The following CMIP variants were observed in gnomAD, a reference collection of about 807,000 sequenced individuals.
CMIP encodes c-Maf inducing protein.
CMIP carries 13 observed loss-of-function variants against 97.3 expected under a neutral mutation model. The ratio of observed to expected loss-of-function variants is 0.13; its 90% CI spans 0.09 to 0.21. The LOEUF (loss-of-function observed/expected upper bound fraction) is 0.21, where lower values mean the gene tolerates loss of function less well. Among genes scored for constraint, CMIP ranks in the 10% least tolerant of loss-of-function variants. The pLI, the probability that CMIP is intolerant of heterozygous loss-of-function variation, is 1.00. For synonymous variants in CMIP, 538 were observed against 436.3 expected, an observed-to-expected ratio of 1.23 and a Z score of -2.91; for missense variants, 847 against 1,024.9, an observed-to-expected ratio of 0.83 and a Z score of 2.37.
intron 6 of CMIP, among the ~76,000 whole-genome samples, chr16:81,662,303 A>G (rs1281631023): frequency 6.6e-6 from 1 of 152,234 alleles, no homozygotes; most frequent in South Asian, 2.1e-4. Flanking sequence ...AGAACAAGAT[A>G]CACTTGCCTC....
Position 81,672,088 on chromosome 16 carries a change from C to G in CMIP, c.1034+18C>G, listed in dbSNP as rs577703364. The G allele has an allele frequency of 2.7e-6, 4 of 1,477,258 alleles. No individual in the cohort carries two copies. The highest frequency in any genetic ancestry group is 1.2e-5 in the South Asian group (1 of 83,432). The allele number at this position is 1,477,258 out of a possible 1,614,324, so 91.5% of individuals were successfully genotyped here. A position where few individuals can be genotyped will look rare whatever the true frequency, so the allele number is the denominator to read the frequency against. ...ATCAACAGGTCAGTTGCTGAACCAC[C>G]GCCACCCAGAGGGCTTGGGAGGGGC... On this transcript the variant is annotated intron_variant, in intron 9 of 20. Coordinates refer to ENST00000537098, the MANE Select transcript of CMIP (RefSeq NM_198390.3).
At chr16:81,585,458 C>T (rs1354569188) in intron 1 of CMIP, among the ~76,000 whole-genome samples, 4 of 152,214 alleles carry the variant, frequency 2.6e-5, no homozygotes, top group Admixed American at 2.6e-4. Context: ...GAAACCCGTG[C>T]CCATCAGCAG....
intron 1 of CMIP, among the ~76,000 whole-genome samples, chr16:81,562,914 G>C (rs889777555): frequency 2.6e-5 from 4 of 152,190 alleles, no homozygotes; most frequent in Non-Finnish European, 5.9e-5. Context: ...CCTTGCCCTT[G>C]TCTGCTGGGA....
chr16:81,613,835 T>C (rs2091870319), intron 2 of CMIP, among the ~76,000 whole-genome samples: 1 of 152,216 alleles, frequency 6.6e-6, no homozygotes, highest in South Asian at 2.1e-4. Context: ...TCCATCTGTC[T>C]TATCTGTTTT....
intron 1 of CMIP, among the ~76,000 whole-genome samples, chr16:81,591,247 C>T (rs367919120): frequency 6.6e-6 from 1 of 151,940 alleles, no homozygotes; most frequent in Non-Finnish European, 1.5e-5. Context: ...GGGGAGATGT[C>T]TTTGAGCAGT....
intron 1 of CMIP, among the ~76,000 whole-genome samples, chr16:81,452,583 G>A (rs532019373): frequency 6.6e-6 from 1 of 152,204 alleles, no homozygotes; most frequent in Non-Finnish European, 1.5e-5. Flanking sequence ...AGTGGTCAGG[G>A]AAGCGGGTGA....
At chr16:81,597,469 C>T (rs2091577009) in intron 1 of CMIP, among the ~76,000 whole-genome samples, 2 of 152,086 alleles carry the variant, frequency 1.3e-5, no homozygotes, top group Non-Finnish European at 2.9e-5. Context: ...TGTGCACCTG[C>T]TCAGAGTGTT....
intron 6 of CMIP, among the ~76,000 whole-genome samples, chr16:81,662,475 G>A (rs1281413218): frequency 6.6e-6 from 1 of 152,184 alleles, no homozygotes; most frequent in Admixed American, 6.5e-5. Context: ...TCTGCCTTTT[G>A]GAGGGAGGGG....
intron 1 of CMIP, among the ~76,000 whole-genome samples, chr16:81,526,002 GTGTGTC>G (rs1226641639): frequency 2.1e-3 from 12 of 5,694 alleles, no homozygotes; most frequent in South Asian, 0.018. Flanking sequence ...GTGTGTGTGT[GTGTGTC>G]TGTGTGTGTG....
At chr16:81,531,882 A>C (rs1192994771) in intron 1 of CMIP, among the ~76,000 whole-genome samples, 4 of 152,174 alleles carry the variant, frequency 2.6e-5, no homozygotes, top group Non-Finnish European at 4.4e-5. Context: ...TCTCACCTCC[A>C]TTGCTATTTG....
chr16:81,683,572 T>G (rs1419655076), intron 10 of CMIP, among the ~76,000 whole-genome samples: 2 of 151,792 alleles, frequency 1.3e-5, no homozygotes, highest in Admixed American at 1.3e-4. Flanking sequence ...GTATTTTTAG[T>G]AGAGACGGGT....
At chr16:81,480,650 A>G (rs1268471414) in intron 1 of CMIP, among the ~76,000 whole-genome samples, 22 of 152,166 alleles carry the variant, frequency 1.4e-4, no homozygotes, top group Non-Finnish European at 5.9e-5. Flanking sequence ...GTTGCTACTT[A>G]TGTGTTTGCT....
chr16:81,554,252 A>T (rs184487330), intron 1 of CMIP, among the ~76,000 whole-genome samples: 1 of 152,384 alleles, frequency 6.6e-6, no homozygotes, highest in African/African-American at 2.4e-5. Flanking sequence ...CAGATGTGCA[A>T]TTAGCATTCA....
chr16:81,624,599 C>A (rs554069686), intron 3 of CMIP, among the ~76,000 whole-genome samples: 2 of 152,196 alleles, frequency 1.3e-5, no homozygotes, highest in Non-Finnish European at 2.9e-5. Flanking sequence ...AGCATCACCC[C>A]TAATGGGACC....
intron 1 of CMIP, among the ~76,000 whole-genome samples, chr16:81,527,577 C>T (rs956861044): frequency 3.3e-5 from 5 of 152,240 alleles, no homozygotes; most frequent in Non-Finnish European, 1.5e-5. Flanking sequence ...ATGGAAGCAT[C>T]CTCAGACTTT....
chr16:81,455,768 C>T (rs16955379), intron 1 of CMIP, among the ~76,000 whole-genome samples: 5,718 of 152,198 alleles, frequency 0.038, 311 homozygotes, highest in East Asian at 0.26. Flanking sequence ...CCACTAGAGA[C>T]CCCTGCTACT....
chr16:81,448,937 G>A (rs1272896171), intron 1 of CMIP, among the ~76,000 whole-genome samples: 1 of 152,242 alleles, frequency 6.6e-6, no homozygotes, highest in Non-Finnish European at 1.5e-5. Context: ...GCTGGTGATG[G>A]TCGTGTTGGT....
chr16:81,667,192 C>T (rs2092613408), intron 7 of CMIP: 1 of 152,220 alleles, frequency 6.6e-6, no homozygotes, highest in South Asian at 2.1e-4. Context: ...ATGTTATGTG[C>T]TCCCTTTCAC....
chr16:81,456,761 G>A (rs796223653), intron 1 of CMIP, among the ~76,000 whole-genome samples: 17 of 152,320 alleles, frequency 1.1e-4, no homozygotes, highest in African/African-American at 4.1e-4. Context: ...CTGCAAAGCA[G>A]AATGTCAGAA....
Sources: gnomAD v4.1 joint callset for allele counts (sites outside exome capture counted in the v4.1 genomes callset) on GRCh38, gnomAD v4.1.1 for gene constraint, MANE v1.5 for transcripts, NCBI Gene and HGNC (gene_info 2026-07-23, HGNC 2026-07-21) for gene names.